CDH6: variants seen among roughly 807,000 people sequenced by gnomAD.
The protein encoded by CDH6 is cadherin 6.
CDH6 carries 31 observed loss-of-function variants against 78.0 expected under a neutral mutation model. The ratio of observed to expected loss-of-function variants is 0.40; its 90% CI spans 0.30 to 0.54. CDH6 has a LOEUF of 0.54. Ranked by LOEUF, CDH6 falls within the 20% of genes least tolerant of loss-of-function variation. CDH6 has a pLI of 0.56. For missense variants in CDH6, 724 were observed against 975.9 expected (o/e 0.74, Z 3.44); for synonymous variants, 376 against 368.8 (o/e 1.02, Z -0.23).
intron 1 of CDH6, among the ~76,000 whole-genome samples, chr5:31,247,741 C>T (rs1228357817): frequency 6.6e-6 from 1 of 152,172 alleles, no homozygotes; most frequent in Non-Finnish European, 1.5e-5. Context: ...TTAGTGGTAG[C>T]ATCAGAACAC....
intron 1 of CDH6, among the ~76,000 whole-genome samples, chr5:31,205,192 C>T (rs1279296212): frequency 4.6e-5 from 7 of 152,196 alleles, no homozygotes; most frequent in African/African-American, 1.7e-4. Flanking sequence ...ATGTAAGCTA[C>T]GAAAGCATCT....
intron 1 of CDH6, among the ~76,000 whole-genome samples, chr5:31,203,233 CTT>C (rs10656122): frequency 2.4e-5 from 3 of 127,230 alleles, no homozygotes; most frequent in Middle Eastern, 4.0e-3. Context: ...CAGGCAGGTC[CTT>C]TTTTTTTTTT....
chr5:31,211,289 G>A (rs1301341413), intron 1 of CDH6, among the ~76,000 whole-genome samples: 4 of 151,970 alleles, frequency 2.6e-5, no homozygotes, highest in Non-Finnish European at 4.4e-5. Context: ...TGCTCTGTGG[G>A]GTGGGGGGAT....
At chr5:31,267,162 T>C (rs889479378) in intron 1 of CDH6, among the ~76,000 whole-genome samples, 184 bp from the exon 2 acceptor site, 1 of 152,146 alleles carries the variant, frequency 6.6e-6, no homozygotes, top group Non-Finnish European at 1.5e-5. Context: ...AACAGCTTCC[T>C]ACCCAGCACA....
Position 31,299,651 on chromosome 5 carries a change from T to A in CDH6, c.811+20T>A. On this transcript the variant is annotated intron_variant, in intron 5 of 11. Coordinates refer to ENST00000265071, the MANE Select transcript of CDH6 (RefSeq NM_004932.4). ...CCCAGAGTAGGAACATTTGATTGAA[T>A]GAATTTCTTCAATGTGCTTTTATAA... 6.3e-7 allele frequency: 1 copy of A among 1,584,268 alleles called. No homozygotes were observed. Among genetic ancestry groups the A allele is most frequent in the Non-Finnish European group, 8.7e-7 (1 of 1,155,492 alleles).
At chr5:31,253,742 C>T (rs998404884) in intron 1 of CDH6, among the ~76,000 whole-genome samples, 1 of 151,972 alleles carries the variant, frequency 6.6e-6, no homozygotes, top group Middle Eastern at 3.4e-3. Flanking sequence ...ACCTGTGGAG[C>T]CTTAGAAGAA....
intron 1 of CDH6, among the ~76,000 whole-genome samples, chr5:31,245,899 C>CTTTTTTTTT (rs71612205): frequency 2.7e-4 from 24 of 87,706 alleles, no homozygotes; most frequent in South Asian, 4.4e-4. Flanking sequence ...CTCTCTCTCT[C>CTTTTTTTTT]TTTTTTTTTT....
At chr5:31,259,373 T>C (rs779896249) in intron 1 of CDH6, among the ~76,000 whole-genome samples, 3 of 152,218 alleles carry the variant, frequency 2.0e-5, no homozygotes, top group Non-Finnish European at 4.4e-5. Context: ...CTCACTAAGA[T>C]ACCTTCATCT....
At chr5:31,253,361 C>G (rs1300667932) in intron 1 of CDH6, among the ~76,000 whole-genome samples, 4 of 152,234 alleles carry the variant, frequency 2.6e-5, no homozygotes, top group African/African-American at 9.6e-5. Context: ...TTGCTCAGCA[C>G]TTCTCCTTCC....
intron 4 of CDH6, among the ~76,000 whole-genome samples, chr5:31,297,750 A>G (rs1472656162): frequency 6.6e-6 from 1 of 152,108 alleles, no homozygotes; most frequent in East Asian, 1.9e-4. Flanking sequence ...ATTTAGTAGG[A>G]TTGTGTCTCT....
chr5:31,296,770 T>C (rs1292035492), intron 3 of CDH6, among the ~76,000 whole-genome samples: 2 of 140,920 alleles, frequency 1.4e-5, no homozygotes, highest in East Asian at 2.1e-4. Flanking sequence ...TGTTTTTCTG[T>C]GATTTTCTAT....
At chr5:31,298,926 C>T (rs1036897283) in intron 4 of CDH6, among the ~76,000 whole-genome samples, 4 of 152,060 alleles carry the variant, frequency 2.6e-5, no homozygotes, top group African/African-American at 4.8e-5. Flanking sequence ...TTTCTAAAGA[C>T]CATAGTTTTA....
At chr5:31,288,672 G>T (rs1322949859) in intron 2 of CDH6, among the ~76,000 whole-genome samples, 1 of 152,162 alleles carries the variant, frequency 6.6e-6, no homozygotes. Flanking sequence ...ACACAAAGAT[G>T]TTCTCTCTCT....
intron 1 of CDH6, among the ~76,000 whole-genome samples, chr5:31,217,372 G>T (rs973686394): frequency 7.9e-5 from 12 of 152,086 alleles, no homozygotes; most frequent in African/African-American, 2.9e-4. Context: ...ACATCAAAAA[G>T]TATCTGTTCT....
intron 1 of CDH6, among the ~76,000 whole-genome samples, chr5:31,258,004 T>C (rs1034933329): frequency 1.3e-5 from 2 of 152,132 alleles, no homozygotes; most frequent in Non-Finnish European, 2.9e-5. Flanking sequence ...TTCTTATCTC[T>C]CTGAAAGAGA....
At chr5:31,284,516 G>C (rs1742961842) in intron 2 of CDH6, among the ~76,000 whole-genome samples, 1 of 152,214 alleles carries the variant, frequency 6.6e-6, no homozygotes, top group South Asian at 2.1e-4. Context: ...GAGAAGCCCT[G>C]TTTCATTCCC....
intron 2 of CDH6, among the ~76,000 whole-genome samples, chr5:31,276,897 T>G (rs1353922837): frequency 6.6e-6 from 1 of 152,188 alleles, no homozygotes; most frequent in Admixed American, 6.5e-5. Context: ...ATATCACACT[T>G]ACCAGTAAGG....
chr5:31,255,303 T>C (rs988983148), intron 1 of CDH6, among the ~76,000 whole-genome samples: 3 of 152,228 alleles, frequency 2.0e-5, no homozygotes, highest in Non-Finnish European at 2.9e-5. Flanking sequence ...AAATTAGAAA[T>C]GGGGCGTCTT....
chr5:31,254,042 C>G (rs545250208), intron 1 of CDH6, among the ~76,000 whole-genome samples: 5 of 152,268 alleles, frequency 3.3e-5, no homozygotes, highest in Non-Finnish European at 5.9e-5. Context: ...AAGCTGCACA[C>G]TGTTCTGGAC....
Sources: gnomAD v4.1 joint callset for allele counts (sites outside exome capture counted in the v4.1 genomes callset) on GRCh38, gnomAD v4.1.1 for gene constraint, MANE v1.5 for transcripts, NCBI Gene and HGNC (gene_info 2026-07-23, HGNC 2026-07-21) for gene names.